Variants in RB1 observed in about 807,000 individuals in gnomAD.
The protein encoded by RB1 is retinoblastoma-associated protein.
In RB1, 18 loss-of-function variants were observed where a neutral mutation model predicts 135.4. That is an observed-to-expected ratio of 0.13 (90% CI 0.09 to 0.20). The LOEUF is 0.20. RB1 is among the 10% of genes least tolerant of loss of function. RB1 has a pLI of 1.00. For missense variants in RB1, 868 were observed against 1,110.0 expected (o/e 0.78, Z 3.10); for synonymous variants, 365 against 373.2 (o/e 0.98, Z 0.25).
chr13:48,396,337 A>G (rs757292378), intron 17 of RB1, among the ~76,000 whole-genome samples: 3 of 152,188 alleles, frequency 2.0e-5, no homozygotes, highest in Non-Finnish European at 2.9e-5. Context: ...CTCAGAAATA[A>G]TGCCACACAT....
At chr13:48,399,809 A>T (rs900138840) in intron 17 of RB1, among the ~76,000 whole-genome samples, 1 of 151,988 alleles carries the variant, frequency 6.6e-6, no homozygotes, top group Non-Finnish European at 1.5e-5. Flanking sequence ...CCTGAGTCCT[A>T]TGTCTGATCC....
intron 2 of RB1, among the ~76,000 whole-genome samples, chr13:48,332,436 A>T (rs1384284499): frequency 1.3e-5 from 2 of 152,128 alleles, no homozygotes; most frequent in African/African-American, 4.8e-5. Context: ...ACAGGCGGTG[A>T]CATGTACTTG....
intron 2 of RB1, chr13:48,340,938 A>G (rs781684798): frequency 2.6e-5 from 4 of 152,400 alleles, no homozygotes; most frequent in Non-Finnish European, 4.4e-5. Flanking sequence ...GGTATAATTT[A>G]CATACACAAA....
intron 12 of RB1, among the ~76,000 whole-genome samples, chr13:48,375,423 ATTC>A (rs1249199320): frequency 6.6e-6 from 1 of 151,072 alleles, no homozygotes; most frequent in Non-Finnish European, 1.5e-5. Context: ...TTTGGCAACA[ATTC>A]TTTTATGACA....
At chr13:48,317,615 T>A in intron 2 of RB1, 1 of 485,308 alleles carries the variant, frequency 2.1e-6, no homozygotes. Context: ...TCTTTCTGAA[T>A]GTAAACATTT....
chr13:48,447,859 A>T (rs546411727), intron 17 of RB1, among the ~76,000 whole-genome samples: 5 of 152,348 alleles, frequency 3.3e-5, no homozygotes, highest in Admixed American at 1.3e-4. Context: ...TATGAAGACT[A>T]TTGGTGAAAA....
chr13:48,349,614 GGAAA>G (rs951352739), intron 6 of RB1, among the ~76,000 whole-genome samples: 1 of 151,672 alleles, frequency 6.6e-6, no homozygotes, highest in Non-Finnish European at 1.5e-5. Context: ...AAGACAGAAA[GGAAA>G]GAAAGAAGGA....
At chr13:48,398,097 T>C (rs749735468) in intron 17 of RB1, among the ~76,000 whole-genome samples, 1 of 152,194 alleles carries the variant, frequency 6.6e-6, no homozygotes, top group Non-Finnish European at 1.5e-5. Context: ...ATGCCATATA[T>C]ACTTTTACAC....
At chr13:48,349,144 G>C in intron 6 of RB1, 121 bp downstream of exon 6, 2 of 1,047,726 alleles carry the variant, frequency 1.9e-6, no homozygotes, top group Non-Finnish European at 2.6e-6. Flanking sequence ...TCTCTGCTTG[G>C]CTTATTAACT....
chr13:48,328,100 A>C (rs1952303418), intron 2 of RB1: 2 of 902,596 alleles, frequency 2.2e-6, no homozygotes, highest in Non-Finnish European at 3.7e-6. Flanking sequence ...GGTCATAGAC[A>C]TTTCGAAGAT....
chr13:48,415,975 A>G (rs543847924), intron 17 of RB1, among the ~76,000 whole-genome samples: 18 of 152,376 alleles, frequency 1.2e-4, no homozygotes, highest in Middle Eastern at 6.8e-3. Context: ...ATGAATCCAT[A>G]TAATCAATTA....
Position 48,406,526 on chromosome 13 carries a change from C to T in RB1, c.1695+25083C>T, listed in dbSNP as rs535623670. 3.3e-5 allele frequency: 5 copies of T among 152,254 alleles called. No individual in the cohort carries two copies. The East Asian group carries it at 5.8e-4, about 18-fold the overall frequency. 9.4% of individuals were successfully genotyped at this position (152,254 alleles called of 1,614,324 possible). ...AAATGCATCTCTACCCTGTATCAGA[C>T]GAATCTTTATTTGATCATGTCTCCC... On this transcript the variant is annotated intron_variant, in intron 17 of 26. Coordinates refer to ENST00000267163, the MANE Select transcript of RB1 (RefSeq NM_000321.3).
chr13:48,456,598 G>T (rs770855858), intron 19 of RB1, among the ~76,000 whole-genome samples: 1 of 151,370 alleles, frequency 6.6e-6, no homozygotes, highest in Non-Finnish European at 1.5e-5. Flanking sequence ...AGGCCCACCG[G>T]GCTCATTTCA....
intron 4 of RB1, among the ~76,000 whole-genome samples, chr13:48,347,124 A>C (rs1361958371): frequency 2.0e-5 from 3 of 152,096 alleles, no homozygotes; most frequent in Non-Finnish European, 2.9e-5. Flanking sequence ...TGTTGTAAGA[A>C]GCAGGAATTA....
intron 2 of RB1, among the ~76,000 whole-genome samples, chr13:48,336,017 A>T (rs1035613503): frequency 3.9e-5 from 6 of 152,070 alleles, no homozygotes; most frequent in Admixed American, 6.6e-5. Flanking sequence ...GAGGGCATTT[A>T]AAAAAGCTAC....
intron 10 of RB1, 64 bp downstream of exon 10, chr13:48,367,667 T>A: frequency 1.3e-6 from 2 of 1,545,168 alleles, no homozygotes; most frequent in Non-Finnish European, 1.8e-6. Flanking sequence ...TATAGGTAGA[T>A]TATATAGTCT....
At chr13:48,455,663 T>C (rs1224361341) in intron 18 of RB1, among the ~76,000 whole-genome samples, 1 of 152,228 alleles carries the variant, frequency 6.6e-6, no homozygotes, top group Non-Finnish European at 1.5e-5. Flanking sequence ...CGATAATATT[T>C]GTAATATCTC....
rs1486562594 is a variant in RB1, at chr13:48,412,704, T to TA, written c.1695+31267dup. On this transcript the variant is annotated intron_variant, in intron 17 of 26. Transcript: ENST00000267163. ...GCTCAGTTAACTGACGAGCAACCTT[T>TA]AAAAAATACAGTCAACGAGTCCAAC... is the stretch of plus-strand genomic sequence containing the variant. 1.3e-4 allele frequency: 61 copies of TA among 475,398 alleles called. No homozygotes were observed. In the Middle Eastern group the frequency reaches 1.9e-3, roughly 15 times the overall value. The allele number at this position is 475,398 out of a possible 1,614,324, so 29.4% of individuals were successfully genotyped here.
At chr13:48,352,825 C>T (rs1566189621) in intron 6 of RB1, among the ~76,000 whole-genome samples, 3 of 152,096 alleles carry the variant, frequency 2.0e-5, no homozygotes, top group African/African-American at 7.2e-5. Flanking sequence ...TCCCTCTCTT[C>T]CTATTTGGAT....
Sources: allele counts gnomAD v4.1 joint callset (sites outside exome capture counted in the v4.1 genomes callset), GRCh38; gene constraint gnomAD v4.1.1; transcripts MANE v1.5; gene names NCBI Gene and HGNC (gene_info 2026-07-23, HGNC 2026-07-21).